Variants in ATXN10 observed in about 807,000 individuals in gnomAD.
ATXN10 encodes the protein ataxin 10, also known as ataxin-10.
A neutral mutation model predicts 52.9 loss-of-function variants in ATXN10; 28 were observed. That is an observed-to-expected ratio of 0.53 (90% confidence interval 0.39 to 0.73). ATXN10 has a LOEUF of 0.73. ATXN10 is among the 30% of genes least tolerant of loss of function. The probability of loss-of-function intolerance (pLI) is 0.00; values close to 1 mark genes in which losing one functional copy is unlikely to be tolerated. For synonymous variants in ATXN10, 226 were observed against 221.5 expected, an observed-to-expected ratio of 1.02 and a Z score of -0.18; for missense variants, 565 against 577.0, an observed-to-expected ratio of 0.98 and a Z score of 0.21.
chr22:45,682,443 G>C (rs970213707), intron 1 of ATXN10, among the ~76,000 whole-genome samples: 8 of 151,992 alleles, frequency 5.3e-5, no homozygotes, highest in Non-Finnish European at 1.2e-4. Flanking sequence ...TTGTAGCTGA[G>C]ACTACAGGCA....
Position 45,684,758 on chromosome 22 carries a change from A to T in ATXN10, c.117-4954A>T, listed in dbSNP as rs573368926. 6.4e-4 allele frequency among the ~76,000 whole-genome samples: 98 copies of T among 152,212 alleles called. No homozygotes were observed. The highest frequency in any genetic ancestry group is 1.2e-3 in the Non-Finnish European group (85 of 68,038). On this transcript the variant is annotated intron_variant, in intron 1 of 11. Transcript: ENST00000252934. The surrounding 1 kb of genome is among the most constrained non-coding windows in gnomAD (Gnocchi z 4.1). ...ACGGCTTCGGAATCCTGGATGTGACAGAAGAGGAGAGAAGAGTGTGAAAAG... is the reference window on the plus strand; with the variant it reads ...ACGGCTTCGGAATCCTGGATGTGACTGAAGAGGAGAGAAGAGTGTGAAAAG...
intron 9 of ATXN10, among the ~76,000 whole-genome samples, chr22:45,785,639 G>C (rs1453814871): frequency 6.6e-6 from 1 of 152,220 alleles, no homozygotes; most frequent in Non-Finnish European, 1.5e-5. Context: ...AGGCCAGAAT[G>C]ACTCACCTAA....
chr22:45,815,607 T>G (rs761018991), intron 10 of ATXN10, among the ~76,000 whole-genome samples: 3 of 151,262 alleles, frequency 2.0e-5, no homozygotes, highest in Non-Finnish European at 4.4e-5. Flanking sequence ...TTCCCTGCCT[T>G]CCTTCCTTCC....
chr22:45,692,563 C>G (rs1923425397), intron 2 of ATXN10, among the ~76,000 whole-genome samples: 1 of 152,052 alleles, frequency 6.6e-6, no homozygotes, highest in Non-Finnish European at 1.5e-5. Context: ...TATTTCTGAG[C>G]CAGTCAAGAT....
Position 45,681,983 on chromosome 22 carries a change from C to T in ATXN10, c.117-7729C>T, listed in dbSNP as rs1922940771. On this transcript the variant is annotated intron_variant, in intron 1 of 11. Transcript: ENST00000252934. This position sits in a 1 kb window ranked among gnomAD's most constrained non-coding sequence, Gnocchi z 4.2. Reference sequence around the variant, plus strand: ...TCTGGTCTGTGGATTAGCGATCTTGCTCTGAATATGAGCTCCCCTTAAGTT... The same window carrying T: ...TCTGGTCTGTGGATTAGCGATCTTGTTCTGAATATGAGCTCCCCTTAAGTT... Among the ~76,000 whole-genome samples the T allele has an allele frequency of 6.6e-6, 1 of 152,192 alleles. No individual in the cohort carries two copies. The highest frequency in any genetic ancestry group is 6.5e-5 in the Admixed American group (1 of 15,284).
chr22:45,807,008 G>C lies in ATXN10; in HGVS notation c.1223G>C (p.Ser408Thr). ...IPLILDNCNI[S>T]DSNPFLTQWV... ...TTGATCCTGGACAACTGCAACATCAGTGACAGTAACCCCTGTATCCTTGCA... is the reference window on the plus strand; with the variant it reads ...TTGATCCTGGACAACTGCAACATCACTGACAGTAACCCCTGTATCCTTGCA... Residue 408 changes from serine (S) to threonine (T), a missense_variant, in exon 10 of 12, where the codon AGT becomes ACT. Ser to Thr is a moderately conservative substitution (Grantham distance 58, BLOSUM62 1). Coordinates refer to ENST00000252934, the MANE Select transcript of ATXN10 (RefSeq NM_013236.4). The C allele has an allele frequency of 6.2e-7, 1 of 1,613,970 alleles. No homozygotes were observed. Among genetic ancestry groups the C allele is most frequent in the Non-Finnish European group, 8.5e-7 (1 of 1,179,856 alleles).
At chr22:45,741,325 G>A (rs1925525553) in intron 9 of ATXN10, among the ~76,000 whole-genome samples, 1 of 152,140 alleles carries the variant, frequency 6.6e-6, no homozygotes, top group African/African-American at 2.4e-5. Context: ...TGGCTGCTGT[G>A]AGCAATCAAA....
At chr22:45,685,760 G>A (rs1481305808) in intron 1 of ATXN10, among the ~76,000 whole-genome samples, 3 of 152,110 alleles carry the variant, frequency 2.0e-5, no homozygotes, top group African/African-American at 4.8e-5. Flanking sequence ...CTCATCTGAT[G>A]AAAGTTGTTG....
At position 45,827,036 on chromosome 22, in the gene ATXN10, A is replaced by G. The variant is rs147506263; in HGVS notation, c.1238-15955A>G. Among the ~76,000 whole-genome samples, 726 of 152,152 alleles carry G rather than the reference A, an allele frequency of 4.8e-3. 4 individuals carry two copies. The highest frequency in any genetic ancestry group is 0.016 in the African/African-American group (678 of 41,500). ...AAAGGAGTAAACAGAGCTTTAAAGG[A>G]GCAGCATTTTTGGATGTTACTGAAG... On this transcript the variant is annotated intron_variant, in intron 10 of 11. Coordinates refer to ENST00000252934, the MANE Select transcript of ATXN10 (RefSeq NM_013236.4).
At position 45,671,964 on chromosome 22, in the gene ATXN10, T is replaced by A. The variant is rs1056422494; in HGVS notation, c.-100T>A. 8.1e-6 allele frequency: 11 copies of A among 1,354,426 alleles called. No homozygotes were observed. The highest frequency in any genetic ancestry group is 9.0e-6 in the Non-Finnish European group (9 of 995,130). The allele number at this position is 1,354,426 out of a possible 1,614,324, so 83.9% of individuals were successfully genotyped here. A position where few individuals can be genotyped will look rare whatever the true frequency, so the allele number is the denominator to read the frequency against. On this transcript the variant is annotated 5_prime_UTR_variant, in exon 1 of 12. Coordinates refer to ENST00000252934, the MANE Select transcript of ATXN10 (RefSeq NM_013236.4). ...GCTGTGTAGGGCGAGGCCTCCCCCT[T>A]CCTCCTCGCCATCCTACTCCTCCCT...
At position 45,833,616 on chromosome 22, in the gene ATXN10, T is replaced by G. The variant is rs1410678065; in HGVS notation, c.1238-9375T>G. Among the ~76,000 whole-genome samples, 1 of 152,232 alleles carries G rather than the reference T, an allele frequency of 6.6e-6. No individual in the cohort carries two copies. Among genetic ancestry groups the G allele is most frequent in the Non-Finnish European group, 1.5e-5 (1 of 68,032 alleles). ...TTTATTTCACTTTGAATTGTTAGCT[T>G]ATTAGCTAGTTCTAAAGGTATTTTG... is the stretch of plus-strand genomic sequence containing the variant. On this transcript the variant is annotated intron_variant, in intron 10 of 11. Transcript: ENST00000252934. This position sits in a 1 kb window ranked among gnomAD's most constrained non-coding sequence, Gnocchi z 4.3.
chr22:45,704,114 T>G (rs1923945795), intron 5 of ATXN10: 2 of 142,876 alleles, frequency 1.4e-5, no homozygotes, highest in African/African-American at 5.0e-5. Flanking sequence ...TGCCTGAGGC[T>G]CTGTTCAGTG....
At chr22:45,703,277 G>T (rs1369684545) in intron 5 of ATXN10, among the ~76,000 whole-genome samples, 1 of 152,124 alleles carries the variant, frequency 6.6e-6, no homozygotes, top group African/African-American at 2.4e-5. Context: ...ATAATGTACT[G>T]CCACCCTTCA....
chr22:45,783,046 G>GT lies in ATXN10; in HGVS notation c.1174-23906dup, dbSNP rs1927204752. 6.6e-6 allele frequency among the ~76,000 whole-genome samples: 1 copy of GT among 152,192 alleles called. No homozygotes were observed. ...TTGATCTTAGCAACCTCAGCATACA[G>GT]TTTTTTTCTTAAGTCTAGAACTCTG... On this transcript the variant is annotated intron_variant, in intron 9 of 11. Coordinates refer to ENST00000252934, the MANE Select transcript of ATXN10 (RefSeq NM_013236.4). This position sits in a 1 kb window ranked among gnomAD's most constrained non-coding sequence, Gnocchi z 5.0.
At chr22:45,675,832 TTC>T (rs1352903090) in intron 1 of ATXN10, 2 of 152,260 alleles carry the variant, frequency 1.3e-5, no homozygotes, top group African/African-American at 2.4e-5. Context: ...TGTAACCCAC[TTC>T]TTAAACAGTG....
chr22:45,815,938 G>A (rs1601664145), intron 10 of ATXN10, among the ~76,000 whole-genome samples: 1 of 152,112 alleles, frequency 6.6e-6, no homozygotes, highest in Admixed American at 6.5e-5. Context: ...CATCTAGCAC[G>A]TAGTAACCAC....
chr22:45,769,467 G>A lies in ATXN10; in HGVS notation c.1173+28929G>A, dbSNP rs763192915. On this transcript the variant is annotated intron_variant, in intron 9 of 11. Transcript: ENST00000252934. This position sits in a 1 kb window ranked among gnomAD's most constrained non-coding sequence, Gnocchi z 4.2. The stretch of plus-strand genomic sequence containing the variant: ...CCAATGCCACAGTATAGGGGGAATG[G>A]AGATGGCTTGGAAAAGAGGTCACCG... 3.9e-5 allele frequency among the ~76,000 whole-genome samples: 6 copies of A among 152,164 alleles called. No individual in the cohort carries two copies. The highest frequency in any genetic ancestry group is 8.8e-5 in the Non-Finnish European group (6 of 68,044).
chr22:45,723,961 A>T (rs1363150371), intron 6 of ATXN10, among the ~76,000 whole-genome samples: 2 of 152,108 alleles, frequency 1.3e-5, no homozygotes, highest in East Asian at 3.8e-4. Context: ...CAAAAAAAAA[A>T]AAAATAAAAG....
intron 1 of ATXN10, chr22:45,673,115 G>A (rs918151421): frequency 5.3e-5 from 8 of 152,152 alleles, no homozygotes; most frequent in Admixed American, 3.9e-4. Flanking sequence ...AAATCCTTAG[G>A]ACATACCTGT....
Sources: gnomAD v4.1 joint callset for allele counts (sites outside exome capture counted in the v4.1 genomes callset) on GRCh38, gnomAD v4.1.1 for gene constraint, Gnocchi (gnomAD v3.1) non-coding constraint, MANE v1.5 for transcripts, NCBI Gene and HGNC (gene_info 2026-07-23, HGNC 2026-07-21) for gene names.